Variants in TSC22D1 observed in about 807,000 individuals in gnomAD.
TSC22D1 encodes TSC22 domain family member 1, also known as TSC22 domain family protein 1.
Under a neutral mutation model 74.2 loss-of-function variants are expected in TSC22D1, and 9 were observed. The observed-to-expected ratio is 0.12, with a 90% CI of 0.07 to 0.21. The LOEUF (loss-of-function observed/expected upper bound fraction) is 0.21, where lower values mean the gene tolerates loss of function less well. TSC22D1 is among the 10% of genes least tolerant of loss of function. TSC22D1 has a pLI of 1.00. For missense variants in TSC22D1, 1,427 were observed against 1,304.7 expected (o/e 1.09, Z -1.44); for synonymous variants, 586 against 492.5 (o/e 1.19, Z -2.51).
chr13:44,521,386 T>A (rs1464587656), intron 1 of TSC22D1, among the ~76,000 whole-genome samples: 1 of 152,186 alleles, frequency 6.6e-6, no homozygotes, highest in African/African-American at 2.4e-5. Flanking sequence ...CCCCTTTTTT[T>A]TAAATTAAAT....
intron 1 of TSC22D1, among the ~76,000 whole-genome samples, chr13:44,440,740 CAA>C (rs1875132551): frequency 6.6e-6 from 1 of 151,848 alleles, no homozygotes; most frequent in African/African-American, 2.4e-5. Context: ...CTGAAGGACA[CAA>C]GTCTCCAGTT....
intron 1 of TSC22D1, among the ~76,000 whole-genome samples, chr13:44,513,536 T>C (rs1879836364): frequency 6.6e-6 from 1 of 152,156 alleles, no homozygotes; most frequent in Admixed American, 6.5e-5. Context: ...TGGAGATAAC[T>C]AGATTGGGAA....
intron 1 of TSC22D1, among the ~76,000 whole-genome samples, chr13:44,552,217 T>G (rs1455040377): frequency 1.3e-5 from 2 of 152,220 alleles, no homozygotes; most frequent in Non-Finnish European, 2.9e-5. Context: ...GTTTCTCCAT[T>G]TTTGACAACC....
chr13:44,545,082 T>C (rs1480703090), intron 1 of TSC22D1, among the ~76,000 whole-genome samples: 1 of 152,152 alleles, frequency 6.6e-6, no homozygotes, highest in Non-Finnish European at 1.5e-5. Flanking sequence ...ACGCCTGAAA[T>C]CTCAGCACTT....
chr13:44,536,768 A>C, intron 1 of TSC22D1: 1 of 985,018 alleles, frequency 1.0e-6, no homozygotes, highest in Non-Finnish European at 1.2e-6. Flanking sequence ...ATTGAGGTAC[A>C]AAAATTGCAT....
intron 1 of TSC22D1, among the ~76,000 whole-genome samples, chr13:44,448,892 CGTGTGTGT>C (rs4053650): frequency 3.3e-5 from 5 of 150,188 alleles, no homozygotes; most frequent in South Asian, 2.1e-4. Flanking sequence ...ATTCTAGATC[CGTGTGTGT>C]GTGTGTGTGT....
chr13:44,513,247 C>T (rs993289009), intron 1 of TSC22D1, among the ~76,000 whole-genome samples: 1 of 152,198 alleles, frequency 6.6e-6, no homozygotes, highest in Non-Finnish European at 1.5e-5. Flanking sequence ...AAGGGATTGT[C>T]TCTCTGATAC....
intron 1 of TSC22D1, chr13:44,538,027 T>C (rs1881252002): frequency 1.0e-6 from 1 of 985,320 alleles, no homozygotes; most frequent in Non-Finnish European, 1.2e-6. Context: ...CAGAAACATT[T>C]TGATAACTAC....
chr13:44,507,658 T>C (rs1489653053), intron 1 of TSC22D1, among the ~76,000 whole-genome samples: 1 of 152,222 alleles, frequency 6.6e-6, no homozygotes, highest in Non-Finnish European at 1.5e-5. Flanking sequence ...GTCAATTTTA[T>C]TCATTAGGTA....
chr13:44,529,383 A>G (rs1274187821), intron 1 of TSC22D1, among the ~76,000 whole-genome samples: 1 of 152,070 alleles, frequency 6.6e-6, no homozygotes, highest in African/African-American at 2.4e-5. Context: ...CCATTCATAA[A>G]AACTCTGGGC....
At chr13:44,566,824 C>A (rs977454220) in intron 1 of TSC22D1, among the ~76,000 whole-genome samples, 1 of 152,106 alleles carries the variant, frequency 6.6e-6, no homozygotes, top group African/African-American at 2.4e-5. Context: ...AAAATCAAAG[C>A]TTTAGCAAAC....
rs767342705 is a variant in TSC22D1, at chr13:44,574,875, T to C, written c.1200A>G (p.Pro400=). 23 of 1,614,060 alleles carry C rather than the reference T, an allele frequency of 1.4e-5. No individual in the cohort carries two copies. The highest frequency in any genetic ancestry group is 1.9e-5 in the Non-Finnish European group (23 of 1,180,040). The change falls in exon 1 of 3, where the codon CCA becomes CCG. Residue 400 remains proline (P), a synonymous_variant. Coordinates refer to ENST00000458659, the MANE Select transcript of TSC22D1 (RefSeq NM_183422.4). ...GGSVSSQQQQ[P]TVNTSRFRVV... ...CTCTGAACCTCGAAGTGTTAACTGT[T>C]GGTTGTTGCTGCTGACTTGAAACCG...
At chr13:44,512,913 G>C (rs2138015860) in intron 1 of TSC22D1, among the ~76,000 whole-genome samples, 1 of 152,322 alleles carries the variant, frequency 6.6e-6, no homozygotes, top group Non-Finnish European at 1.5e-5. Context: ...CTCCCAAAGT[G>C]CTGGGATTAC....
chr13:44,467,285 A>T (rs1877344414), intron 1 of TSC22D1, among the ~76,000 whole-genome samples: 1 of 152,212 alleles, frequency 6.6e-6, no homozygotes, highest in Non-Finnish European at 1.5e-5. Context: ...CTGACGTGAA[A>T]CCATAAATAT....
At chr13:44,545,614 T>C (rs1193094098) in intron 1 of TSC22D1, among the ~76,000 whole-genome samples, 1 of 150,352 alleles carries the variant, frequency 6.7e-6, no homozygotes, top group Non-Finnish European at 1.5e-5. Flanking sequence ...ATCTTCCTAC[T>C]GTATTTTTTC....
rs905326007 is a variant in TSC22D1, at chr13:44,509,255, A to G, written c.2912+63908T>C. Among the ~76,000 whole-genome samples, 9 of 152,330 alleles carry G rather than the reference A, an allele frequency of 5.9e-5. No homozygotes were observed. In the East Asian group the frequency reaches 1.5e-3, roughly 26 times the overall value. On this transcript the variant is annotated intron_variant, in intron 1 of 2. Transcript: ENST00000458659. ...TCTGAAGCCAAGATTATTACGCTGG[A>G]GGAGTAATCAAAATGATGAAGAGGG...
intron 1 of TSC22D1, among the ~76,000 whole-genome samples, chr13:44,447,833 CTT>C (rs5803260): frequency 3.1e-5 from 4 of 129,466 alleles, no homozygotes; most frequent in Admixed American, 8.0e-5. Context: ...AATGCCTTTT[CTT>C]TTTTTTTTTT....
In TSC22D1 at chr13:44,474,654, G is replaced by A. The variant is rs140658626; in HGVS notation, c.2913-38559C>T. Among the ~76,000 whole-genome samples the A allele has an allele frequency of 4.2e-3, 637 of 151,962 alleles. 1 individual carries two copies. The highest frequency in any genetic ancestry group is 4.1e-3 in the Non-Finnish European group (282 of 67,990). Reference sequence around the variant, plus strand: ...AAACAATAAGGATGCAAGAATGGAAGGAAGGAGAAGAGGAAGAGAAAGGAT... The same window carrying A: ...AAACAATAAGGATGCAAGAATGGAAAGAAGGAGAAGAGGAAGAGAAAGGAT... On this transcript the variant is annotated intron_variant, in intron 1 of 2. Coordinates refer to ENST00000458659, the MANE Select transcript of TSC22D1 (RefSeq NM_183422.4).
intron 2 of TSC22D1, 69 bp downstream of exon 2, chr13:44,435,975 G>C (rs2138847487): frequency 3.4e-6 from 5 of 1,451,432 alleles, no homozygotes; most frequent in Non-Finnish European, 4.8e-6. Flanking sequence ...GGATGCACTG[G>C]TTCCACAAAA....
Sources: allele counts gnomAD v4.1 joint callset (sites outside exome capture counted in the v4.1 genomes callset), GRCh38; gene constraint gnomAD v4.1.1; transcripts MANE v1.5; gene names NCBI Gene and HGNC (gene_info 2026-07-23, HGNC 2026-07-21).